Variants in NCK1 observed in about 807,000 individuals in gnomAD.
NCK1 encodes SH2/SH3 adapter protein NCK1.
A neutral mutation model predicts 36.6 loss-of-function variants in NCK1; 19 were observed. The observed-to-expected ratio is 0.52, with a 90% confidence interval of 0.36 to 0.76. NCK1 has a LOEUF of 0.76. Ranked by LOEUF, NCK1 falls within the 30% of genes least tolerant of loss-of-function variation. The probability of loss-of-function intolerance (pLI) is 0.00; values close to 1 mark genes in which losing one functional copy is unlikely to be tolerated. For missense variants in NCK1, 358 were observed against 445.6 expected (o/e 0.80, Z 1.77); for synonymous variants, 165 against 156.0 (o/e 1.06, Z -0.43).
chr3:136,951,173 A>G lies in NCK1; in HGVS notation c.*2720A>G, dbSNP rs545809667. 5.9e-5 allele frequency among the ~76,000 whole-genome samples: 9 copies of G among 152,330 alleles called. No homozygotes were observed. The highest frequency in any genetic ancestry group is 2.2e-4 in the African/African-American group (9 of 41,584). On this transcript the variant is annotated 3_prime_UTR_variant, in exon 4 of 4. Transcript: ENST00000481752. Reference sequence around the variant, plus strand: ...TCTTGCAGAATATGGCACTTAAATTATCTCCAGCTGTAATGTCCTACCATA... The same window carrying G: ...TCTTGCAGAATATGGCACTTAAATTGTCTCCAGCTGTAATGTCCTACCATA...
Position 136,902,542 on chromosome 3 carries a change from C to T in NCK1, c.-18-25442C>T, listed in dbSNP as rs182391278. Among the ~76,000 whole-genome samples the T allele has an allele frequency of 2.3e-4, 35 of 152,252 alleles. 1 individual carries two copies. The East Asian group carries it at 6.6e-3, about 29-fold the overall frequency. On this transcript the variant is annotated intron_variant, in intron 1 of 3. Transcript: ENST00000481752. ...TATTCCATTCTTATCTGAGGAGATA[C>T]TTGATACGATTTCAATTTTTAAAAA...
intron 1 of NCK1, among the ~76,000 whole-genome samples, chr3:136,927,678 C>T (rs542583152): frequency 4.6e-5 from 7 of 152,116 alleles, no homozygotes; most frequent in South Asian, 4.2e-4. Context: ...TGCACCATCA[C>T]GCCCAGCTAA....
intron 1 of NCK1, among the ~76,000 whole-genome samples, chr3:136,876,123 A>G (rs528292951): frequency 7.3e-5 from 11 of 151,236 alleles, no homozygotes; most frequent in African/African-American, 1.7e-4. Flanking sequence ...AAGACACAAC[A>G]TACCAGAATC....
chr3:136,897,712 TCA>T (rs1234346927), intron 1 of NCK1, among the ~76,000 whole-genome samples: 2 of 152,164 alleles, frequency 1.3e-5, no homozygotes, highest in Admixed American at 1.3e-4. Context: ...CTCACTTTAA[TCA>T]CAGTTCTAAA....
rs1046119678 is a variant in NCK1, at chr3:136,945,535, A to C, written c.227-48A>C. 4 of 1,313,834 alleles carry C rather than the reference A, an allele frequency of 3.0e-6. No homozygotes were observed. In the African/African-American group the frequency reaches 5.9e-5, roughly 20 times the overall value. The allele number at this position is 1,313,834 out of a possible 1,614,324, so 81.4% of individuals were successfully genotyped here. On this transcript the variant is annotated intron_variant, in intron 2 of 3. Transcript: ENST00000481752. ...TAATGAATAAGTTCATTCTTTTGGT[A>C]ATCATTTTTTTATATTCTCCTCTCA... is the stretch of plus-strand genomic sequence containing the variant.
intron 1 of NCK1, among the ~76,000 whole-genome samples, chr3:136,882,903 T>G (rs1289324180): frequency 1.3e-5 from 2 of 152,146 alleles, no homozygotes; most frequent in Non-Finnish European, 1.5e-5. Flanking sequence ...GGATTATAAT[T>G]TCCTTGCTTA....
chr3:136,942,852 GAA>G (rs1197583844), intron 2 of NCK1, among the ~76,000 whole-genome samples: 1 of 152,184 alleles, frequency 6.6e-6, no homozygotes, highest in African/African-American at 2.4e-5. Context: ...AACCACCCAG[GAA>G]GACTCCCTAT....
intron 1 of NCK1, among the ~76,000 whole-genome samples, chr3:136,870,678 T>A (rs1938588755): frequency 7.7e-6 from 1 of 129,910 alleles, no homozygotes; most frequent in South Asian, 2.7e-4. Flanking sequence ...ATTTCTTAGC[T>A]ATAGTCTTTA....
At position 136,950,941 on chromosome 3, in the gene NCK1, T is replaced by A. The variant is rs918378258; in HGVS notation, c.*2488T>A. 5.3e-5 allele frequency among the ~76,000 whole-genome samples: 8 copies of A among 152,144 alleles called. No individual in the cohort carries two copies. The highest frequency in any genetic ancestry group is 1.2e-4 in the Non-Finnish European group (8 of 68,012). On this transcript the variant is annotated 3_prime_UTR_variant, in exon 4 of 4. Transcript: ENST00000481752. ...AAACAAATGCCATTGTGTCCCTTAT[T>A]TAGTCATAAAACCTTAGGATTCAGC...
intron 1 of NCK1, among the ~76,000 whole-genome samples, chr3:136,909,657 C>T (rs1177561010): frequency 6.6e-6 from 1 of 152,100 alleles, no homozygotes; most frequent in East Asian, 1.9e-4. Flanking sequence ...TTATTCTACC[C>T]ATTATTGAGA....
chr3:136,925,729 A>G (rs1385913982), intron 1 of NCK1, among the ~76,000 whole-genome samples: 3 of 152,142 alleles, frequency 2.0e-5, no homozygotes, highest in Non-Finnish European at 2.9e-5. Context: ...AGTTTGTTTA[A>G]TTATTTGCCT....
chr3:136,904,173 TAGAC>T (rs1352841882), intron 1 of NCK1, among the ~76,000 whole-genome samples: 1 of 152,126 alleles, frequency 6.6e-6, no homozygotes, highest in Non-Finnish European at 1.5e-5. Flanking sequence ...ATTATTTTTT[TAGAC>T]AGTCTCGCTC....
At chr3:136,939,925 ACTGTAGCCTTTGAACTC>A (rs1488465890) in intron 2 of NCK1, among the ~76,000 whole-genome samples, 2 of 141,254 alleles carry the variant, frequency 1.4e-5, no homozygotes, top group Non-Finnish European at 3.0e-5. Flanking sequence ...ATCATGGCTC[ACTGTAGCCTTTGAACTC>A]CTGGGTTCAA....
intron 1 of NCK1, among the ~76,000 whole-genome samples, chr3:136,885,484 T>C (rs1313655160): frequency 1.3e-5 from 2 of 152,296 alleles, no homozygotes; most frequent in East Asian, 3.9e-4. Context: ...TTTGAATTTT[T>C]TGTAGAGACA....
chr3:136,873,816 C>T (rs765636860), intron 1 of NCK1, among the ~76,000 whole-genome samples: 14 of 152,252 alleles, frequency 9.2e-5, no homozygotes, highest in Admixed American at 3.9e-4. Context: ...TCTTGTCTGC[C>T]GCCACGTGAG....
intron 1 of NCK1, among the ~76,000 whole-genome samples, chr3:136,896,272 C>T (rs1939389193): frequency 6.6e-6 from 1 of 152,150 alleles, no homozygotes; most frequent in Non-Finnish European, 1.5e-5. Flanking sequence ...CATTGAGCAA[C>T]CTCTTTTCAT....
At chr3:136,882,114 C>T (rs1045783843) in intron 1 of NCK1, among the ~76,000 whole-genome samples, 1 of 151,938 alleles carries the variant, frequency 6.6e-6, no homozygotes, top group African/African-American at 2.4e-5. Context: ...TTTTCCATAG[C>T]AGCTGCACCA....
At chr3:136,871,985 C>T (rs1367627928) in intron 1 of NCK1, among the ~76,000 whole-genome samples, 1 of 152,150 alleles carries the variant, frequency 6.6e-6, no homozygotes, top group African/African-American at 2.4e-5. Flanking sequence ...ATTGCCCAGT[C>T]TCAGGTATGT....
At chr3:136,918,259 G>T (rs1307513761) in intron 1 of NCK1, among the ~76,000 whole-genome samples, 2 of 151,778 alleles carry the variant, frequency 1.3e-5, no homozygotes, top group African/African-American at 2.4e-5. Context: ...TTTCTATTAA[G>T]ATAAATGAAG....
Sources: gnomAD v4.1 joint callset for allele counts (sites outside exome capture counted in the v4.1 genomes callset) on GRCh38, gnomAD v4.1.1 for gene constraint, MANE v1.5 for transcripts, NCBI Gene and HGNC (gene_info 2026-07-23, HGNC 2026-07-21) for gene names.